GRAMD4: variants seen among roughly 807,000 people sequenced by gnomAD.
The protein encoded by GRAMD4 is GRAM domain-containing protein 4.
In GRAMD4, 25 loss-of-function variants were observed where a neutral mutation model predicts 83.9. That is an observed-to-expected ratio of 0.30 (90% CI 0.22 to 0.42). GRAMD4 has a LOEUF of 0.42. Ranked by LOEUF, GRAMD4 falls within the 10% of genes least tolerant of loss-of-function variation. GRAMD4 has a pLI of 1.00. For synonymous variants in GRAMD4, 336 were observed against 320.9 expected (o/e 1.05, Z -0.50); for missense variants, 593 against 788.7 (o/e 0.75, Z 2.97).
intron 13 of GRAMD4, among the ~76,000 whole-genome samples, chr22:46,669,271 G>A (rs1744685572): frequency 6.6e-6 from 1 of 152,212 alleles, no homozygotes; most frequent in African/African-American, 2.4e-5. Context: ...TGGAGAGCCT[G>A]AGAGCCTGGT....
intron 1 of GRAMD4, among the ~76,000 whole-genome samples, chr22:46,579,108 C>T (rs898941269): frequency 2.6e-5 from 4 of 152,236 alleles, no homozygotes; most frequent in Non-Finnish European, 4.4e-5. Context: ...CTCTGGAGAG[C>T]ACGGGAAAGT....
chr22:46,676,633 A>G lies in GRAMD4; in HGVS notation c.1597A>G (p.Met533Val), dbSNP rs1374754964. 1.3e-6 allele frequency: 2 copies of G among 1,549,152 alleles called. No homozygotes were observed. The highest frequency in any genetic ancestry group is 1.7e-6 in the Non-Finnish European group (2 of 1,146,958). Residue 533 changes from methionine to valine, a missense_variant, in exon 18 of 19, where the codon ATG becomes GTG. Met to Val is a conservative substitution (Grantham distance 21). Coordinates refer to ENST00000406902, the MANE Select transcript of GRAMD4 (RefSeq NM_015124.5). ...KVLSVLPGSG[M>V]GIAVSTPSTQ... is the part of the protein sequence containing the mutation. Reference sequence around the variant, plus strand: ...CCTGTCTGTCCTCCCAGGCTCAGGCATGGGGATTGCCGTGTCGACGCCATC... The same window carrying G: ...CCTGTCTGTCCTCCCAGGCTCAGGCGTGGGGATTGCCGTGTCGACGCCATC...
intron 5 of GRAMD4, among the ~76,000 whole-genome samples, 194 bp from the exon 6 acceptor site, chr22:46,662,846 T>C (rs556008429): frequency 1.3e-5 from 2 of 152,284 alleles, no homozygotes; most frequent in East Asian, 3.9e-4. Flanking sequence ...ACTTGGTGTC[T>C]TCAGAGGACT....
intron 1 of GRAMD4, among the ~76,000 whole-genome samples, chr22:46,600,687 G>C (rs114604298): frequency 1.3e-5 from 2 of 152,214 alleles, no homozygotes; most frequent in African/African-American, 4.8e-5. Context: ...AGCCTCAAGC[G>C]ATGGAGGACA....
At chr22:46,676,759 C>G in intron 18 of GRAMD4, 91 bp downstream of exon 18, 1 of 1,206,142 alleles carries the variant, frequency 8.3e-7, no homozygotes. Context: ...GGCAGACAGC[C>G]AGAGTTTTAG....
intron 1 of GRAMD4, among the ~76,000 whole-genome samples, chr22:46,601,047 G>C (rs2081307666): frequency 6.6e-6 from 1 of 152,116 alleles, no homozygotes; most frequent in Admixed American, 6.5e-5. Context: ...GGGAGACTGG[G>C]GCAGGAGAAT....
intron 2 of GRAMD4, among the ~76,000 whole-genome samples, chr22:46,633,232 G>A (rs1171717352): frequency 1.3e-5 from 2 of 152,182 alleles, no homozygotes; most frequent in Admixed American, 6.5e-5. Flanking sequence ...CCCTCTGCCC[G>A]CCCGTGGGCC....
chr22:46,605,298 G>A (rs1323327479), intron 1 of GRAMD4, among the ~76,000 whole-genome samples: 1 of 152,220 alleles, frequency 6.6e-6, no homozygotes, highest in South Asian at 2.1e-4. Flanking sequence ...CCTTTTCAGG[G>A]CTGAGTAATA....
upstream of GRAMD4, among the ~76,000 whole-genome samples, chr22:46,576,408 G>C (rs1044156810): frequency 6.6e-5 from 10 of 152,176 alleles, no homozygotes; most frequent in African/African-American, 2.2e-4. Context: ...TCCAAAACCC[G>C]GGGATAGGTG....
At chr22:46,661,766 G>A (rs1396820561) in intron 5 of GRAMD4, among the ~76,000 whole-genome samples, 1 of 152,260 alleles carries the variant, frequency 6.6e-6, no homozygotes, top group East Asian at 1.9e-4. Flanking sequence ...ACGGAACAGT[G>A]ATGTGAGAGC....
intron 3 of GRAMD4, 86 bp downstream of exon 3, chr22:46,638,046 G>A: frequency 6.8e-7 from 1 of 1,463,778 alleles, no homozygotes; most frequent in Non-Finnish European, 9.4e-7. Flanking sequence ...CCCAGGAGCT[G>A]GGTCTGGTGA....
intron 2 of GRAMD4, among the ~76,000 whole-genome samples, 183 bp from the exon 3 acceptor site, chr22:46,637,657 T>G (rs1462242947): frequency 6.6e-6 from 1 of 152,172 alleles, no homozygotes; most frequent in African/African-American, 2.4e-5. Context: ...GGTCTTATGC[T>G]GGGGGCTCCG....
intron 1 of GRAMD4, among the ~76,000 whole-genome samples, chr22:46,602,169 G>A (rs1569253565): frequency 6.6e-6 from 1 of 152,246 alleles, no homozygotes; most frequent in Non-Finnish European, 1.5e-5. Flanking sequence ...TCATGAAAAC[G>A]ATGCTGCCGG....
intron 16 of GRAMD4, 68 bp downstream of exon 16, chr22:46,674,818 G>A: frequency 8.7e-7 from 1 of 1,147,828 alleles, no homozygotes; most frequent in South Asian, 1.2e-5. Context: ...TAGGCCCTGG[G>A]ATGGCGTGGC....
intron 3 of GRAMD4, among the ~76,000 whole-genome samples, chr22:46,639,140 C>T (rs771828671): frequency 2.8e-5 from 4 of 141,298 alleles, no homozygotes; most frequent in African/African-American, 5.3e-5. Context: ...CTATGGTTAA[C>T]GGTGTGTGCG....
At chr22:46,651,462 G>A (rs1323862046) in intron 3 of GRAMD4, among the ~76,000 whole-genome samples, 1 of 152,202 alleles carries the variant, frequency 6.6e-6, no homozygotes, top group Non-Finnish European at 1.5e-5. Flanking sequence ...TGCGGGCCAC[G>A]GCTCCTATCC....
chr22:46,601,241 T>A, intron 1 of GRAMD4, among the ~76,000 whole-genome samples: 1 of 152,132 alleles, frequency 6.6e-6, no homozygotes, highest in Non-Finnish European at 1.5e-5. Context: ...GGAGACAGCT[T>A]GTCTTCTGTG....
rs192133753 is a variant in GRAMD4, at chr22:46,669,073, G to A, written c.1084+165G>A. On this transcript the variant is annotated intron_variant, in intron 13 of 18. Coordinates refer to ENST00000406902, the MANE Select transcript of GRAMD4 (RefSeq NM_015124.5). ...AATTTGGGAGAAGTGAAGCCCATCC[G>A]AGATCGAGGGACACGGTGATTGTTT... Among the ~76,000 whole-genome samples the A allele has an allele frequency of 5.6e-3, 847 of 152,200 alleles. 12 individuals carry two copies. Among genetic ancestry groups the A allele is most frequent in the African/African-American group, 0.02 (811 of 41,526 alleles).
chr22:46,621,203 G>C lies in GRAMD4; in HGVS notation c.-50+638G>C, dbSNP rs2081569836. ...AGGTGGGCGGTGTCGGGAGACCCGG[G>C]TCTGGCCTGAGGTGCAGCCTGGAGC... On this transcript the variant is annotated intron_variant, in intron 1 of 18. Transcript: ENST00000406902. The surrounding 1 kb of genome is among the most constrained non-coding windows in gnomAD (Gnocchi z 5.8). Among the ~76,000 whole-genome samples the C allele has an allele frequency of 1.3e-5, 2 of 152,170 alleles. No homozygotes were observed. The highest frequency in any genetic ancestry group is 2.9e-5 in the Non-Finnish European group (2 of 68,004).
Sources: allele counts gnomAD v4.1 joint callset (sites outside exome capture counted in the v4.1 genomes callset), GRCh38; gene constraint gnomAD v4.1.1; non-coding constraint Gnocchi (gnomAD v3.1); transcripts MANE v1.5; gene names NCBI Gene and HGNC (gene_info 2026-07-23, HGNC 2026-07-21).